Variants in CIZ1 observed in about 807,000 individuals in gnomAD.
CIZ1 encodes the protein cip1-interacting zinc finger protein.
Under a neutral mutation model 118.6 loss-of-function variants are expected in CIZ1, and 58 were observed. The observed-to-expected ratio is 0.49, with a 90% confidence interval of 0.40 to 0.61. The LOEUF (loss-of-function observed/expected upper bound fraction) is 0.61, where lower values mean the gene tolerates loss of function less well. CIZ1 is among the 20% of genes least tolerant of loss of function. The pLI is 0.00. For missense variants in CIZ1, 921 were observed against 1,115.9 expected (o/e 0.83, Z 2.49); for synonymous variants, 448 against 443.4 (o/e 1.01, Z -0.13).
Position 128,190,319 on chromosome 9 carries a change from C to A in CIZ1, c.286+10G>T. 6.3e-7 allele frequency: 1 copy of A among 1,593,528 alleles called. No homozygotes were observed. Among genetic ancestry groups the A allele is most frequent in the Non-Finnish European group, 8.6e-7 (1 of 1,162,286 alleles). ...AAAGAGACTGAGAAGAGGCCTGGGG[C>A]CATCCATACCTTGCAACTGCTGTAA... is the stretch of plus-strand genomic sequence containing the variant. On this transcript the variant is annotated intron_variant, in intron 3 of 16. Transcript: ENST00000372938.
In CIZ1 at chr9:128,166,465, C is replaced by T; in HGVS notation, c.2488-59G>A. On this transcript the variant is annotated intron_variant, in intron 16 of 16. Coordinates refer to ENST00000372938, the MANE Select transcript of CIZ1 (RefSeq NM_001131016.2). This position sits in a 1 kb window ranked among gnomAD's most constrained non-coding sequence, Gnocchi z 4.4. ...TCCTCCCTACATGGTATGCTCCTGG[C>T]CAGCAGCTACTTCCCCAGCTCTGGC... The T allele has an allele frequency of 7.6e-7, 1 of 1,312,358 alleles. No individual in the cohort carries two copies. The highest frequency in any genetic ancestry group is 1.0e-6 in the Non-Finnish European group (1 of 960,632). The allele number at this position is 1,312,358 out of a possible 1,614,324, so 81.3% of individuals were successfully genotyped here.
At chr9:128,170,835 A>G (rs765435858) in intron 11 of CIZ1, among the ~76,000 whole-genome samples, 9 of 152,134 alleles carry the variant, frequency 5.9e-5, no homozygotes, top group Non-Finnish European at 1.0e-4. Context: ...AATAAAAACC[A>G]TATACTTTAA....
intron 9 of CIZ1, among the ~76,000 whole-genome samples, chr9:128,178,123 C>G (rs182868660): frequency 7.1e-4 from 108 of 152,160 alleles, no homozygotes; most frequent in African/African-American, 2.5e-3. Flanking sequence ...GAGACTGGGG[C>G]TCTGGCTTGG....
At chr9:128,168,912 C>A (rs1008054247) in intron 14 of CIZ1, 140 bp downstream of exon 14, 53 of 1,160,896 alleles carry the variant, frequency 4.6e-5, no homozygotes, top group Non-Finnish European at 5.9e-5. Flanking sequence ...ATGCAGAAGG[C>A]AGTTGACAGT....
At chr9:128,183,748 T>TTTTG (rs45518031) in intron 5 of CIZ1, among the ~76,000 whole-genome samples, 2,538 of 150,966 alleles carry the variant, frequency 0.017, 53 homozygotes, top group African/African-American at 0.052. Context: ...TTTCCTATAC[T>TTTTG]TTTGTTTGTT....
At position 128,166,308 on chromosome 9, in the gene CIZ1, G is replaced by T; in HGVS notation, c.2586C>A (p.Ser862=). 6.4e-7 allele frequency: 1 copy of T among 1,568,094 alleles called. No individual in the cohort carries two copies. The highest frequency in any genetic ancestry group is 2.3e-5 in the East Asian group (1 of 42,744). ...ARNALTALFT[S]SGRPPSQPNT... Reference sequence around the variant, plus strand: ...TGGGCTGGGAGGGTGGGCGGCCGCTGGAGGTGAACAGGGCTGTCAAAGCGT... The same window carrying T: ...TGGGCTGGGAGGGTGGGCGGCCGCTTGAGGTGAACAGGGCTGTCAAAGCGT... The change falls in exon 17 of 17, where the codon TCC becomes TCA. Residue 862 remains serine, a synonymous_variant. Coordinates refer to ENST00000372938, the MANE Select transcript of CIZ1 (RefSeq NM_001131016.2). The surrounding 1 kb of genome is among the most constrained non-coding windows in gnomAD (Gnocchi z 4.4).
chr9:128,179,417 T>C lies in CIZ1; in HGVS notation c.792-2A>G. 2 of 1,563,484 alleles carry C rather than the reference T, an allele frequency of 1.3e-6. No homozygotes were observed. Among genetic ancestry groups the C allele is most frequent in the Non-Finnish European group, 1.7e-6 (2 of 1,159,236 alleles). On this transcript the variant is annotated splice_acceptor_variant, in intron 7 of 16. Coordinates refer to ENST00000372938, the MANE Select transcript of CIZ1 (RefSeq NM_001131016.2). LOFTEE classifies it high-confidence loss of function. ...TCCTTCTCTGTGGGCTCTTCTGAGC[T>C]AGGAAGGATCAAAAAAAAATCCCAG...
chr9:128,185,618 G>A lies in CIZ1; in HGVS notation c.517C>T (p.Gln173Ter). The A allele has an allele frequency of 6.4e-7, 1 of 1,553,168 alleles. No individual in the cohort carries two copies. The highest frequency in any genetic ancestry group is 8.7e-7 in the Non-Finnish European group (1 of 1,149,090). The change falls in exon 5 of 17, where the codon CAG (glutamine) becomes TAG (stop). Residue 173 changes from glutamine to a stop codon, truncating the protein, a stop_gained. Transcript: ENST00000372938. LOFTEE classifies it high-confidence loss of function. ...GGGTTCCGTCCTGAAAGGTTGAACTGGGAAGGGTTCATGGGGACCCCAACA... is the reference window on the plus strand; with the variant it reads ...GGGTTCCGTCCTGAAAGGTTGAACTAGGAAGGGTTCATGGGGACCCCAACA... ...PPVGVPMNPS[Q>*]FNLSGRNPQK...
rs71381745 is a variant in CIZ1, at chr9:128,200,657, CA to C, written c.-6+3528del. Among the ~76,000 whole-genome samples the C allele has an allele frequency of 6.1e-3, 814 of 133,650 alleles. 10 individuals are homozygous for C. The highest frequency in any genetic ancestry group is 0.021 in the African/African-American group (727 of 34,512). The allele number at this position is 133,650 out of a possible 152,430, so 87.7% of individuals were successfully genotyped here. ...TGAGCGACAGAGCAAGACTCTGTCT[CA>C]AAAAAAAAAAAAGAAAGAAATACAA... On this transcript the variant is annotated intron_variant, in intron 1 of 17. Transcript: ENST00000372948.
intron 4 of CIZ1, 48 bp from the exon 5 acceptor site, chr9:128,185,824 G>T: frequency 1.5e-6 from 2 of 1,352,734 alleles, no homozygotes; most frequent in Non-Finnish European, 2.1e-6. Flanking sequence ...TGGTCGGGTG[G>T]CAGAAGGTAG....
intron 11 of CIZ1, 105 bp from the exon 12 acceptor site, chr9:128,170,212 A>T (rs1300506801): frequency 1.1e-6 from 1 of 949,228 alleles, no homozygotes; most frequent in Non-Finnish European, 1.7e-6. Flanking sequence ...CTCCCACAGG[A>T]TCTCTTAGGG....
upstream of CIZ1, chr9:128,191,953 C>T (rs960884463): frequency 1.0e-5 from 14 of 1,393,502 alleles, no homozygotes; most frequent in African/African-American, 1.3e-4. This position sits in a 1 kb window ranked among gnomAD's most constrained non-coding sequence, Gnocchi z 5.5. Context: ...TTCGAGGGAC[C>T]CAGGCCAGGC....
rs1414180789 is a variant in CIZ1, at chr9:128,190,733, A to AGCAGCTGCTGGAGCTGCAGTAACT, written c.101_124dup (p.Gln34_Leu41dup). On this transcript the variant is annotated inframe_insertion, in exon 2 of 17. Coordinates refer to ENST00000372938, the MANE Select transcript of CIZ1 (RefSeq NM_001131016.2). ...CGGGGCCTGTGGTGGGGACTGCTGG[A>AGCAGCTGCTGGAGCTGCAGTAACT]GCAGCTGCTGGAGCTGCAGTAACTG... is the stretch of plus-strand genomic sequence containing the variant. 3 of 1,549,712 alleles carry AGCAGCTGCTGGAGCTGCAGTAACT rather than the reference A, an allele frequency of 1.9e-6. No homozygotes were observed. The highest frequency in any genetic ancestry group is 2.4e-5 in the South Asian group (2 of 84,294).
At chr9:128,191,687 C>G, upstream of CIZ1, 1 of 1,288,788 alleles carries the variant, frequency 7.8e-7, no homozygotes, top group Non-Finnish European at 9.9e-7. This position sits in a 1 kb window ranked among gnomAD's most constrained non-coding sequence, Gnocchi z 5.5. Flanking sequence ...TGGGGGGCGG[C>G]TGCGGGGCGC....
chr9:128,183,355 T>C (rs1012769548), intron 5 of CIZ1, among the ~76,000 whole-genome samples: 1 of 151,986 alleles, frequency 6.6e-6, no homozygotes, highest in Admixed American at 6.6e-5. Context: ...GGTTTTTCCA[T>C]ACGTAAAAAA....
chr9:128,190,181 C>T, intron 3 of CIZ1, 148 bp downstream of exon 3: 2 of 630,132 alleles, frequency 3.2e-6, no homozygotes, highest in Admixed American at 2.8e-5. Context: ...ACTTTCACCT[C>T]CTGGAGCCTT....
At chr9:128,200,739 A>T (rs1295423419) in intron 1 of CIZ1, among the ~76,000 whole-genome samples, 1 of 151,844 alleles carries the variant, frequency 6.6e-6, no homozygotes, top group Non-Finnish European at 1.5e-5. Flanking sequence ...TTGGAGGCTG[A>T]GGCAGGAGAA....
chr9:128,170,341 C>T (rs997582116), intron 11 of CIZ1, among the ~76,000 whole-genome samples: 2 of 152,156 alleles, frequency 1.3e-5, no homozygotes, highest in Non-Finnish European at 2.9e-5. Context: ...AAATGAAAAC[C>T]ACAAGCTACA....
intron 11 of CIZ1, among the ~76,000 whole-genome samples, chr9:128,175,865 T>C (rs1000913785): frequency 1.3e-5 from 2 of 152,120 alleles, no homozygotes; most frequent in Non-Finnish European, 2.9e-5. Flanking sequence ...CACAGAGTCC[T>C]GAAAGCACCT....
Sources: gnomAD v4.1 joint callset for allele counts (sites outside exome capture counted in the v4.1 genomes callset) on GRCh38, gnomAD v4.1.1 for gene constraint, Gnocchi (gnomAD v3.1) non-coding constraint, MANE v1.5 for transcripts, NCBI Gene and HGNC (gene_info 2026-07-23, HGNC 2026-07-21) for gene names.